The following IL34 variants were observed in gnomAD, a reference collection of about 807,000 sequenced individuals.
IL34 encodes the protein interleukin 34.
IL34 carries 17 observed loss-of-function variants against 25.3 expected under a neutral mutation model. That is an observed-to-expected ratio of 0.67 (90% CI 0.46 to 1.01). The LOEUF (loss-of-function observed/expected upper bound fraction) is 1.01. IL34 is among the 50% of genes least tolerant of loss of function. The pLI is 0.00. For missense variants in IL34, 368 were observed against 312.9 expected, an observed-to-expected ratio of 1.18 and a Z score of -1.33; for synonymous variants, 174 against 140.9, an observed-to-expected ratio of 1.23 and a Z score of -1.66.
intron 1 of IL34, among the ~76,000 whole-genome samples, chr16:70,627,375 C>T (rs896112392): frequency 1.3e-5 from 2 of 151,960 alleles, no homozygotes; most frequent in Admixed American, 6.6e-5. Context: ...AAGCCCCCCA[C>T]CAGATCCCCA....
intron 1 of IL34, among the ~76,000 whole-genome samples, chr16:70,620,328 T>A (rs2051253212): frequency 1.3e-5 from 2 of 152,140 alleles, no homozygotes; most frequent in African/African-American, 4.8e-5. Context: ...AAAAGGAGCA[T>A]TCACCTTGAC....
chr16:70,650,354 G>A (rs1320749579), intron 1 of IL34, among the ~76,000 whole-genome samples: 1 of 152,328 alleles, frequency 6.6e-6, no homozygotes, highest in Middle Eastern at 3.4e-3. Context: ...CTGCCCAGTT[G>A]GGGGAGAGGC....
chr16:70,649,401 C>T (rs937381672), intron 1 of IL34, among the ~76,000 whole-genome samples: 1 of 152,186 alleles, frequency 6.6e-6, no homozygotes, highest in Non-Finnish European at 1.5e-5. Flanking sequence ...GCGGTGGTAA[C>T]TCCCAGGCGT....
chr16:70,612,603 T>C (rs1411029169), intron 1 of IL34, among the ~76,000 whole-genome samples: 3 of 152,204 alleles, frequency 2.0e-5, no homozygotes, highest in African/African-American at 7.2e-5. Flanking sequence ...CAATGCATCC[T>C]GAAAAGAAAG....
At chr16:70,609,923 G>T (rs924590523) in intron 1 of IL34, among the ~76,000 whole-genome samples, 1 of 152,212 alleles carries the variant, frequency 6.6e-6, no homozygotes, top group African/African-American at 2.4e-5. Context: ...TGAATGTCAG[G>T]CTGGACGTGG....
intron 1 of IL34, among the ~76,000 whole-genome samples, chr16:70,640,103 T>A (rs2051746178): frequency 6.6e-6 from 1 of 152,166 alleles, no homozygotes; most frequent in African/African-American, 2.4e-5. Flanking sequence ...AAGTATTAGG[T>A]ACTGTACATA....
chr16:70,659,913 G>A (rs1019565461), intron 5 of IL34, 84 bp from the exon 6 acceptor site: 28 of 1,484,400 alleles, frequency 1.9e-5, no homozygotes, highest in Non-Finnish European at 2.5e-5. Context: ...TAGAGTGGGG[G>A]ACAAGCACAT....
intron 1 of IL34, among the ~76,000 whole-genome samples, chr16:70,618,530 G>T (rs987590848): frequency 2.3e-4 from 35 of 152,212 alleles, no homozygotes; most frequent in African/African-American, 7.7e-4. Flanking sequence ...TTGTGATTTT[G>T]AGGGCCTCTA....
chr16:70,584,927 C>CT (rs2151802887), intron 1 of IL34, among the ~76,000 whole-genome samples: 1 of 152,238 alleles, frequency 6.6e-6, no homozygotes, highest in South Asian at 2.1e-4. Context: ...TCTTGAACTC[C>CT]TGACCTCAGG....
intron 1 of IL34, among the ~76,000 whole-genome samples, chr16:70,639,934 G>C (rs1175822627): frequency 6.6e-6 from 1 of 151,820 alleles, no homozygotes; most frequent in Non-Finnish European, 1.5e-5. Context: ...CTCCAGCCTG[G>C]GTGACAAAGG....
chr16:70,639,606 A>G (rs977649852), intron 1 of IL34, among the ~76,000 whole-genome samples: 3 of 125,540 alleles, frequency 2.4e-5, no homozygotes, highest in African/African-American at 8.4e-5. Context: ...CACCGCTTGT[A>G]TCGTGACGAA....
chr16:70,618,602 G>C (rs558541205), intron 1 of IL34, among the ~76,000 whole-genome samples: 2 of 152,300 alleles, frequency 1.3e-5, no homozygotes, highest in African/African-American at 4.8e-5. Context: ...AAACAGTAAG[G>C]TCAAGTTGTT....
intron 1 of IL34, among the ~76,000 whole-genome samples, chr16:70,650,441 G>C (rs2052050695): frequency 6.6e-6 from 1 of 152,136 alleles, no homozygotes; most frequent in African/African-American, 2.4e-5. Flanking sequence ...GTCACTCCAA[G>C]GCACAGTCCC....
Position 70,617,812 on chromosome 16 carries a change from A to G in IL34, c.-400-28736A>G, listed in dbSNP as rs1300386778. Among the ~76,000 whole-genome samples, 690 of 151,124 alleles carry G rather than the reference A, an allele frequency of 4.6e-3. 3 individuals carry two copies. The highest frequency in any genetic ancestry group is 0.016 in the African/African-American group (661 of 40,592). On this transcript the variant is annotated intron_variant, in intron 1 of 6. Coordinates refer to the IL34 transcript ENST00000429149. The stretch of plus-strand genomic sequence containing the variant: ...TTTGACTAATAAAGGCTCGTCTGTT[A>G]TCAGACTGTATAGAGGTGGGAAGGC...
chr16:70,633,408 C>A (rs1444725469), intron 1 of IL34, among the ~76,000 whole-genome samples: 1 of 150,634 alleles, frequency 6.6e-6, no homozygotes, highest in Non-Finnish European at 1.5e-5. Flanking sequence ...TGAGCACCAC[C>A]ATGCCTGGCT....
chr16:70,630,081 C>T (rs941663968), intron 1 of IL34, among the ~76,000 whole-genome samples: 1 of 152,126 alleles, frequency 6.6e-6, no homozygotes, highest in South Asian at 2.1e-4. Context: ...TTTTAGCACC[C>T]ACATACAAGT....
chr16:70,621,915 T>G (rs1484374104), intron 1 of IL34, among the ~76,000 whole-genome samples: 1 of 151,916 alleles, frequency 6.6e-6, no homozygotes, highest in Non-Finnish European at 1.5e-5. Context: ...CCATTTACAC[T>G]TCTTTTGTGG....
upstream of IL34, among the ~76,000 whole-genome samples, chr16:70,645,887 T>C (rs1305454188): frequency 6.6e-6 from 1 of 151,978 alleles, no homozygotes; most frequent in Non-Finnish European, 1.5e-5. Context: ...ACCCCATCTC[T>C]ACTAAAAATA....
intron 1 of IL34, among the ~76,000 whole-genome samples, chr16:70,591,894 C>T (rs941973885): frequency 4.7e-5 from 7 of 148,888 alleles, no homozygotes; most frequent in Non-Finnish European, 7.5e-5. Flanking sequence ...CTGGGGCCAA[C>T]GGCAGTGGTG....
Sources: allele counts gnomAD v4.1 joint callset (sites outside exome capture counted in the v4.1 genomes callset), GRCh38; gene constraint gnomAD v4.1.1; transcripts MANE v1.5; gene names NCBI Gene and HGNC (gene_info 2026-07-23, HGNC 2026-07-21).